CACNA1C: variants seen among roughly 807,000 people sequenced by gnomAD.
CACNA1C encodes calcium voltage-gated channel subunit alpha1 C, also known as voltage-dependent L-type calcium channel subunit alpha-1C.
Under a neutral mutation model 229.0 loss-of-function variants are expected in CACNA1C, and 30 were observed. The ratio of observed to expected loss-of-function variants is 0.13; its 90% CI spans 0.10 to 0.18. The LOEUF is 0.18. CACNA1C is among the 10% of genes least tolerant of loss of function. CACNA1C has a pLI of 1.00. For missense variants in CACNA1C, 1,658 were observed against 2,845.0 expected (o/e 0.58, Z 9.49); for synonymous variants, 1,114 against 1,132.5 (o/e 0.98, Z 0.33).
At chr12:2,018,677 C>A (rs972364097) in intron 1 of CACNA1C, among the ~76,000 whole-genome samples, 2 of 152,190 alleles carry the variant, frequency 1.3e-5, no homozygotes, top group Non-Finnish European at 2.9e-5. Flanking sequence ...TCTTAATAAG[C>A]ACAACTCAAC....
intron 3 of CACNA1C, among the ~76,000 whole-genome samples, chr12:2,289,426 G>A (rs2093188138): frequency 6.6e-6 from 1 of 152,180 alleles, no homozygotes. Context: ...ACCATCAGAA[G>A]CCCATTTTCC....
chr12:2,422,881 G>A (rs894891866), intron 3 of CACNA1C, among the ~76,000 whole-genome samples: 5 of 152,182 alleles, frequency 3.3e-5, no homozygotes, highest in South Asian at 2.1e-4. Flanking sequence ...CAGAACAAAC[G>A]CTGGCCAGGT....
In CACNA1C at chr12:2,488,221, G is replaced by A. The variant is rs773757886; in HGVS notation, c.916+1959G>A. Among the ~76,000 whole-genome samples the A allele has an allele frequency of 1.8e-4, 27 of 152,228 alleles. No individual in the cohort carries two copies. The highest frequency in any genetic ancestry group is 3.4e-4 in the Non-Finnish European group (23 of 68,046). On this transcript the variant is annotated intron_variant, in intron 6 of 46. Coordinates refer to ENST00000399655, the MANE Select transcript of CACNA1C (RefSeq NM_000719.7). The surrounding 1 kb of genome is among the most constrained non-coding windows in gnomAD (Gnocchi z 4.0). The stretch of plus-strand genomic sequence containing the variant: ...CCTAACGAGAAAGCAGTCCAAGAGT[G>A]TTTTCTGCCGGTGGTGGGCTCCTGC...
chr12:2,524,646 C>T (rs1640456410), intron 9 of CACNA1C, among the ~76,000 whole-genome samples: 1 of 152,254 alleles, frequency 6.6e-6, no homozygotes, highest in South Asian at 2.1e-4. Context: ...AAGGCTGCAC[C>T]CCTTTTGTGG....
At chr12:2,417,031 T>C (rs899904069) in intron 3 of CACNA1C, among the ~76,000 whole-genome samples, 1 of 152,190 alleles carries the variant, frequency 6.6e-6, no homozygotes, top group East Asian at 1.9e-4. Flanking sequence ...CGTACACACC[T>C]CTCTTAAACA....
chr12:2,189,919 G>C (rs894797155), intron 3 of CACNA1C, among the ~76,000 whole-genome samples: 4 of 152,240 alleles, frequency 2.6e-5, no homozygotes, highest in Non-Finnish European at 5.9e-5. Flanking sequence ...GAGGCTGCCT[G>C]TGATCCAGGT....
At chr12:2,098,978 G>A (rs2154097055) in intron 1 of CACNA1C, among the ~76,000 whole-genome samples, 1 of 152,308 alleles carries the variant, frequency 6.6e-6, no homozygotes, top group South Asian at 2.1e-4. Context: ...CGTGTGAGGG[G>A]CGGCCGTAGA....
rs536030253 is a variant in CACNA1C, at chr12:2,617,835, G to A, written c.3828+5822G>A. ...GCAGAGGGAAAGTTGGAATGAGGAG[G>A]TGGGTGCATGGGGAAGTTCACTTGC... On this transcript the variant is annotated intron_variant, in intron 29 of 46. Transcript: ENST00000399655. Among the ~76,000 whole-genome samples the A allele has an allele frequency of 8.6e-4, 131 of 152,342 alleles. 1 individual carries two copies. Among genetic ancestry groups the A allele is most frequent in the African/African-American group, 3.1e-3 (128 of 41,586 alleles).
At chr12:1,978,911 C>T (rs2035252066) in intron 1 of CACNA1C, among the ~76,000 whole-genome samples, 1 of 152,032 alleles carries the variant, frequency 6.6e-6, no homozygotes, top group Non-Finnish European at 1.5e-5. Flanking sequence ...TATTATATAC[C>T]AAAATTTGTT....
At chr12:2,582,211 A>T (rs933470098) in intron 14 of CACNA1C, among the ~76,000 whole-genome samples, 3 of 152,092 alleles carry the variant, frequency 2.0e-5, no homozygotes, top group Non-Finnish European at 4.4e-5. Flanking sequence ...CCAAAACATA[A>T]AGAAAAGCAG....
chr12:2,676,500 G>A (rs1306038825), intron 39 of CACNA1C: 1 of 152,842 alleles, frequency 6.5e-6, no homozygotes, highest in Non-Finnish European at 1.5e-5. Context: ...AGGGACTGAT[G>A]ATGTCACATA....
intron 29 of CACNA1C, among the ~76,000 whole-genome samples, chr12:2,628,068 C>T (rs1333938905): frequency 6.6e-6 from 1 of 152,244 alleles, no homozygotes; most frequent in African/African-American, 2.4e-5. Flanking sequence ...CAGCACCACC[C>T]CAGGCAAGGA....
At chr12:2,626,587 C>T (rs1279363923) in intron 29 of CACNA1C, among the ~76,000 whole-genome samples, 2 of 152,172 alleles carry the variant, frequency 1.3e-5, no homozygotes, top group African/African-American at 4.8e-5. Context: ...TCTGCCTAGC[C>T]TTATCCCTCT....
At chr12:2,290,582 G>A (rs555785983) in intron 3 of CACNA1C, among the ~76,000 whole-genome samples, 2 of 152,310 alleles carry the variant, frequency 1.3e-5, no homozygotes, top group South Asian at 2.1e-4. Context: ...CCACGAGGCT[G>A]GGTGGGAAGG....
At chr12:2,045,900 G>A (rs571503145) in intron 1 of CACNA1C, among the ~76,000 whole-genome samples, 1 of 151,884 alleles carries the variant, frequency 6.6e-6, no homozygotes, top group South Asian at 2.1e-4. Context: ...GGGATTATCT[G>A]GGGAGCCCTA....
rs1248368080 is a variant in CACNA1C, at chr12:2,346,997, G to A, written c.478-101979G>A. 6.6e-6 allele frequency among the ~76,000 whole-genome samples: 1 copy of A among 152,124 alleles called. No homozygotes were observed. The highest frequency in any genetic ancestry group is 1.5e-5 in the Non-Finnish European group (1 of 68,024). ...GGCCACAGACCTTACAGGACTAAGA[G>A]GCCATCTGACCCCCTTTCAATGAGT... is the stretch of plus-strand genomic sequence containing the variant. On this transcript the variant is annotated intron_variant, in intron 3 of 46. Coordinates refer to ENST00000399655, the MANE Select transcript of CACNA1C (RefSeq NM_000719.7). This position sits in a 1 kb window ranked among gnomAD's most constrained non-coding sequence, Gnocchi z 4.4.
intron 3 of CACNA1C, among the ~76,000 whole-genome samples, chr12:2,182,131 CAAAAA>C (rs56365126): frequency 2.3e-5 from 2 of 86,694 alleles, no homozygotes; most frequent in African/African-American, 8.9e-5. Flanking sequence ...TTTCTGTCTG[CAAAAA>C]AAAAAAAAAA....
intron 1 of CACNA1C, among the ~76,000 whole-genome samples, chr12:2,044,567 C>T (rs16929055): frequency 0.026 from 3,939 of 152,192 alleles, 175 homozygotes; most frequent in African/African-American, 0.09. Context: ...TTGAGGTTTA[C>T]CGTTCCAGGA....
intron 3 of CACNA1C, among the ~76,000 whole-genome samples, chr12:2,324,241 G>A (rs1463739280): frequency 6.6e-6 from 1 of 152,168 alleles, no homozygotes; most frequent in African/African-American, 2.4e-5. Flanking sequence ...GGGCTTCCAT[G>A]GGCCTGGCAC....
Sources: allele counts gnomAD v4.1 joint callset (sites outside exome capture counted in the v4.1 genomes callset), GRCh38; gene constraint gnomAD v4.1.1; non-coding constraint Gnocchi (gnomAD v3.1); transcripts MANE v1.5; gene names NCBI Gene and HGNC (gene_info 2026-07-23, HGNC 2026-07-21).